ESPNL: variants seen among roughly 807,000 people sequenced by gnomAD.
The protein encoded by ESPNL is espin like.
ESPNL carries 49 observed loss-of-function variants against 46.8 expected under a neutral mutation model. The observed-to-expected ratio is 1.05, with a 90% CI of 0.83 to 1.33. The LOEUF (loss-of-function observed/expected upper bound fraction) is 1.33, where lower values mean the gene tolerates loss of function less well. Among genes scored for constraint, ESPNL ranks in the 40% most tolerant of loss-of-function variants. The pLI is 0.00. For missense variants in ESPNL, 1,540 were observed against 1,436.6 expected (o/e 1.07, Z -1.16); for synonymous variants, 664 against 662.1 (o/e 1.00, Z -0.04).
intron 6 of ESPNL, among the ~76,000 whole-genome samples, chr2:238,126,239 GTAT>G (rs1692110160): frequency 9.5e-6 from 1 of 105,410 alleles, no homozygotes; most frequent in South Asian, 3.3e-4. Flanking sequence ...TGTATTGTAT[GTAT>G]GTGTATGGTG....
chr2:238,102,269 G>A (rs1382682119), intron 2 of ESPNL, 138 bp downstream of exon 2: 1 of 783,320 alleles, frequency 1.3e-6, no homozygotes, highest in African/African-American at 1.7e-5. Flanking sequence ...TCACTGTGGG[G>A]GTGAGCTGGC....
chr2:238,131,804 C>G lies in ESPNL; in HGVS notation c.*72C>G. 6.7e-7 allele frequency: 1 copy of G among 1,501,990 alleles called. No individual in the cohort carries two copies. The highest frequency in any genetic ancestry group is 9.0e-7 in the Non-Finnish European group (1 of 1,113,148). 93.0% of individuals were successfully genotyped at this position (1,501,990 alleles called of 1,614,324 possible). ...GAGTTTCTCTTTTCTTTTCCTTGCT[C>G]ACACCCTTGGTGTTCAGGTGAGCCG... On this transcript the variant is annotated 3_prime_UTR_variant, in exon 9 of 9. Transcript: ENST00000343063.
At chr2:238,109,496 G>A (rs141191208) in intron 4 of ESPNL, among the ~76,000 whole-genome samples, 1,745 of 152,236 alleles carry the variant, frequency 0.011, 37 homozygotes, top group African/African-American at 0.04. Context: ...GACTATAGGC[G>A]CACGCCACCA....
At position 238,131,189 on chromosome 2, in the gene ESPNL, G is replaced by T; in HGVS notation, c.2475G>T (p.Arg825=). ...MAHVPARQLR[R]LSRQPRGALS... ...ACGTGCCCGCCCGGCAGCTGCGGCG[G>T]CTGAGCCGGCAGCCCCGCGGGGCTT... Residue 825 remains arginine (R), a synonymous_variant, in exon 9 of 9, where the codon CGG becomes CGT. Transcript: ENST00000343063. The T allele has an allele frequency of 1.3e-6, 2 of 1,544,320 alleles. No individual in the cohort carries two copies.
rs371597189 is a variant in ESPNL at position 238,128,353 on chromosome 2, G to T, written c.1216-354G>T. Among the ~76,000 whole-genome samples the T allele has an allele frequency of 9.9e-4, 151 of 152,354 alleles. 1 individual carries two copies. Among genetic ancestry groups the T allele is most frequent in the African/African-American group, 3.6e-3 (148 of 41,590 alleles). On this transcript the variant is annotated intron_variant, in intron 7 of 8. Coordinates refer to ENST00000343063, the MANE Select transcript of ESPNL (RefSeq NM_194312.4). ...TCCGCGGCACAGGATTGGCTGCCAGGCTTTGTCTATGTAGCTGTGCCCAGA... is the reference window on the plus strand; with the variant it reads ...TCCGCGGCACAGGATTGGCTGCCAGTCTTTGTCTATGTAGCTGTGCCCAGA...
chr2:238,119,298 G>T (rs576144169), intron 5 of ESPNL, among the ~76,000 whole-genome samples: 79 of 150,878 alleles, frequency 5.2e-4, no homozygotes, highest in African/African-American at 1.9e-3. Context: ...GTGGATGGAG[G>T]AGAAATGGAT....
At chr2:238,125,767 T>TTGGAGTGGAGGGGAGTGGAG (rs1692091376) in intron 6 of ESPNL, among the ~76,000 whole-genome samples, 1 of 146,276 alleles carries the variant, frequency 6.8e-6, no homozygotes, top group Non-Finnish European at 1.5e-5. Context: ...TGTGACCAGC[T>TTGGAGTGGAGGGGAGTGGAG]TGGAGTGGAG....
At chr2:238,116,833 G>T (rs533680829) in intron 4 of ESPNL, 70 bp from the exon 5 acceptor site, 18 of 1,561,808 alleles carry the variant, frequency 1.2e-5, no homozygotes, top group Non-Finnish European at 1.6e-5. Context: ...GGAGCGGCCC[G>T]CACAGGGCCA....
At chr2:238,129,854 C>G (rs1692243811) in intron 8 of ESPNL, among the ~76,000 whole-genome samples, 1 of 152,268 alleles carries the variant, frequency 6.6e-6, no homozygotes, top group Non-Finnish European at 1.5e-5. Flanking sequence ...TCCATCGTCT[C>G]AGGACTGTGG....
At chr2:238,125,788 T>TGGAGTGGAGG (rs1296623356) in intron 6 of ESPNL, among the ~76,000 whole-genome samples, 1 of 149,906 alleles carries the variant, frequency 6.7e-6, no homozygotes, top group Non-Finnish European at 1.5e-5. Context: ...TGGAGTGGAG[T>TGGAGTGGAGG]GGAGTGGAGT....
chr2:238,110,949 CTTTTTTTTTTTT>C (rs5839686), intron 4 of ESPNL, among the ~76,000 whole-genome samples: 2 of 111,004 alleles, frequency 1.8e-5, no homozygotes, highest in African/African-American at 3.3e-5. Context: ...ATTAGTTATT[CTTTTTTTTTTTT>C]TTTTTTTTTG....
chr2:238,131,352 C>A lies in ESPNL; in HGVS notation c.2638C>A (p.Leu880Met), dbSNP rs145480562. ...LPAEERKLRH[L>M]LCFEVFEHLG... ...GGCGGAGGAGCGGAAGCTGCGCCAC[C>A]TGCTGTGCTTCGAGGTCTTCGAGCA... is the stretch of plus-strand genomic sequence containing the variant. Residue 880 changes from leucine to methionine, a missense_variant, in exon 9 of 9, where the codon CTG (leucine) becomes ATG (methionine). By Grantham distance (15) the Leu-to-Met change is conservative. Transcript: ENST00000343063. The A allele has an allele frequency of 1.3e-6, 2 of 1,598,218 alleles. No homozygotes were observed. The highest frequency in any genetic ancestry group is 8.5e-7 in the Non-Finnish European group (1 of 1,173,124).
Position 238,107,816 on chromosome 2 carries a change from C to T in ESPNL, c.698C>T (p.Thr233Met), listed in dbSNP as rs556005720. The change falls in exon 4 of 9, where the codon ACG becomes ATG. Residue 233 changes from threonine to methionine, a missense_variant. Thr to Met is a moderately conservative substitution (Grantham distance 81, BLOSUM62 -1). Transcript: ENST00000343063. Reference sequence around the variant, plus strand: ...GTCACATTCACCGACATCGGACTCACGGCACGGGACAATGAGGGGGCCACG... The same window carrying T: ...GTCACATTCACCGACATCGGACTCATGGCACGGGACAATGAGGGGGCCACG... ...WLVTFTDIGL[T>M]ARDNEGATAL... The T allele has an allele frequency of 4.6e-5, 73 of 1,601,118 alleles. No individual in the cohort carries two copies. Among genetic ancestry groups the T allele is most frequent in the East Asian group, 9.0e-5 (4 of 44,302 alleles).
chr2:238,119,406 AGGTGGATG>A (rs1691927016), intron 5 of ESPNL, among the ~76,000 whole-genome samples: 1 of 83,020 alleles, frequency 1.2e-5, no homozygotes, highest in African/African-American at 5.2e-5. Flanking sequence ...TGGATGGAGG[AGGTGGATG>A]GAGGAGGGTA....
chr2:238,128,532 C>T (rs1692193989), intron 7 of ESPNL, among the ~76,000 whole-genome samples, 175 bp from the exon 8 acceptor site: 1 of 152,170 alleles, frequency 6.6e-6, no homozygotes, highest in Non-Finnish European at 1.5e-5. Context: ...AGGCCTCACT[C>T]TTAAGCTGGG....
rs908536125 is a variant in ESPNL at position 238,127,605 on chromosome 2, C to A, written c.1103-17C>A. The A allele has an allele frequency of 4.4e-6, 7 of 1,579,052 alleles. No individual in the cohort carries two copies. The Middle Eastern group carries it at 5.0e-4, about 113-fold the overall frequency. Reference sequence around the variant, plus strand: ...CAGCCCTTGCCCTTTCTGCAACACCCTTCTTCTTCTTGGCAGCCATGTCCC... The same window carrying A: ...CAGCCCTTGCCCTTTCTGCAACACCATTCTTCTTCTTGGCAGCCATGTCCC... On this transcript the variant is annotated splice_polypyrimidine_tract_variant and intron_variant, in intron 6 of 8. Coordinates refer to ENST00000343063, the MANE Select transcript of ESPNL (RefSeq NM_194312.4).
chr2:238,126,222 C>CTGTGTGTG (rs56118246), intron 6 of ESPNL, among the ~76,000 whole-genome samples: 8 of 150,136 alleles, frequency 5.3e-5, no homozygotes, highest in African/African-American at 2.0e-4. Flanking sequence ...GTGATTGTGT[C>CTGTGTGTG]TGTGTCTGTA....
rs200969051 is a variant in ESPNL at position 238,130,183 on chromosome 2, C to T, written c.1469C>T (p.Thr490Ile). 6.2e-7 allele frequency: 1 copy of T among 1,612,900 alleles called. No homozygotes were observed. Among genetic ancestry groups the T allele is most frequent in the East Asian group, 2.2e-5 (1 of 44,884 alleles). ...CAGGCGGCCTGGAGGTACTCACAGA[C>T]TCATCAGGCCATCCTGGGGCCCTTT... ...TEQAAWRYSQ[T>I]HQAILGPFGE... The change falls in exon 9 of 9, where the codon ACT (threonine) becomes ATT (isoleucine). Residue 490 changes from threonine (T) to isoleucine (I), a missense_variant. Physicochemically the swap from Thr to Ile is moderately conservative, Grantham distance 89. Transcript: ENST00000343063.
At chr2:238,120,946 G>C (rs746962346) in intron 5 of ESPNL, among the ~76,000 whole-genome samples, 25 of 152,232 alleles carry the variant, frequency 1.6e-4, no homozygotes, top group Admixed American at 9.2e-4. Flanking sequence ...CTGCCCCCAG[G>C]GGACTCGTGC....
Sources: gnomAD v4.1 joint callset for allele counts (sites outside exome capture counted in the v4.1 genomes callset) on GRCh38, gnomAD v4.1.1 for gene constraint, MANE v1.5 for transcripts, NCBI Gene and HGNC (gene_info 2026-07-23, HGNC 2026-07-21) for gene names.